CHRM2: variants seen among roughly 807,000 people sequenced by gnomAD.
CHRM2 encodes cholinergic receptor muscarinic 2.
Under a neutral mutation model 25.0 loss-of-function variants are expected in CHRM2, and 8 were observed. The ratio of observed to expected loss-of-function variants is 0.32; its 90% CI spans 0.19 to 0.58. The LOEUF is 0.58. CHRM2 is among the 20% of genes least tolerant of loss of function. The pLI is 0.88. For synonymous variants in CHRM2, 202 were observed against 205.7 expected, an observed-to-expected ratio of 0.98 and a Z score of 0.15; for missense variants, 440 against 567.1, an observed-to-expected ratio of 0.78 and a Z score of 2.28.
intron 2 of CHRM2, among the ~76,000 whole-genome samples, chr7:136,942,829 AT>A (rs919251048): frequency 6.6e-6 from 1 of 151,758 alleles, no homozygotes; most frequent in East Asian, 1.9e-4. Flanking sequence ...GCACAAGAGA[AT>A]TTTTTTTTAA....
intron 2 of CHRM2, chr7:136,902,082 C>G (rs995336119): frequency 3.3e-5 from 5 of 151,992 alleles, no homozygotes; most frequent in African/African-American, 1.2e-4. Context: ...CTCCCCTTAG[C>G]TTCTTCTATG....
At chr7:136,907,290 C>G (rs1797608526) in intron 2 of CHRM2, among the ~76,000 whole-genome samples, 1 of 151,892 alleles carries the variant, frequency 6.6e-6, no homozygotes, top group South Asian at 2.1e-4. Context: ...GAATTCAAAA[C>G]TTTCTGTACT....
chr7:136,957,269 G>C (rs1469870507), intron 2 of CHRM2, among the ~76,000 whole-genome samples: 1 of 152,204 alleles, frequency 6.6e-6, no homozygotes, highest in Admixed American at 6.5e-5. Flanking sequence ...GTGTGTGTGT[G>C]TGTGTGTGTG....
chr7:137,001,800 T>A (rs1315351563), intron 3 of CHRM2, among the ~76,000 whole-genome samples: 1 of 152,294 alleles, frequency 6.6e-6, no homozygotes, highest in East Asian at 1.9e-4. Context: ...TGGAATAATA[T>A]TTCCAGATAA....
At chr7:136,913,621 A>G (rs1797959912) in intron 2 of CHRM2, among the ~76,000 whole-genome samples, 1 of 151,914 alleles carries the variant, frequency 6.6e-6, no homozygotes, top group Non-Finnish European at 1.5e-5. Flanking sequence ...ACCAAAACCT[A>G]GTAATTTTTT....
At chr7:136,970,423 C>G (rs1801686071) in intron 2 of CHRM2, among the ~76,000 whole-genome samples, 1 of 152,162 alleles carries the variant, frequency 6.6e-6, no homozygotes, top group Non-Finnish European at 1.5e-5. Flanking sequence ...CCATCTTTAG[C>G]TTATTACATT....
intron 2 of CHRM2, among the ~76,000 whole-genome samples, chr7:136,882,185 G>C (rs891794047): frequency 1.2e-4 from 18 of 152,012 alleles, no homozygotes; most frequent in African/African-American, 4.1e-4. Context: ...CTTTACACAC[G>C]GAAGCTAATG....
intron 2 of CHRM2, among the ~76,000 whole-genome samples, chr7:136,898,511 A>ATGTG (rs3068413): frequency 0.014 from 2,163 of 150,296 alleles, 168 homozygotes; most frequent in Admixed American, 0.13. Flanking sequence ...GTGTGTTTGC[A>ATGTG]TGTGTGTGTG....
chr7:136,967,283 C>T (rs1486433243), intron 2 of CHRM2, among the ~76,000 whole-genome samples: 1 of 151,912 alleles, frequency 6.6e-6, no homozygotes. Flanking sequence ...AAAAGCTGCC[C>T]TATCCAATTA....
chr7:137,007,659 T>C lies in CHRM2; in HGVS notation c.-46-7161T>C, dbSNP rs992686308. 2.0e-5 allele frequency among the ~76,000 whole-genome samples: 3 copies of C among 152,144 alleles called. 1 individual carries two copies. Among genetic ancestry groups the C allele is most frequent in the Non-Finnish European group, 1.5e-5 (1 of 68,020 alleles). On this transcript the variant is annotated intron_variant, in intron 3 of 3. Coordinates refer to ENST00000680005, the MANE Select transcript of CHRM2 (RefSeq NM_001006630.2). ...GCACTCAGACTGTGGAATGTCAATA[T>C]TGCTAGCTAGCAGGGCTGGACTGTC...
At chr7:136,896,982 C>T (rs746270697) in intron 2 of CHRM2, among the ~76,000 whole-genome samples, 39 of 151,908 alleles carry the variant, frequency 2.6e-4, no homozygotes, top group Non-Finnish European at 5.2e-4. Context: ...GAAGGAGTCA[C>T]GGTGAGTAAC....
chr7:136,942,036 C>T (rs140598105), intron 2 of CHRM2, among the ~76,000 whole-genome samples: 2 of 152,030 alleles, frequency 1.3e-5, no homozygotes, highest in Non-Finnish European at 1.5e-5. Flanking sequence ...ACTGGAAACA[C>T]CTGTTCAGCC....
chr7:137,014,367 A>G (rs1307081416), intron 3 of CHRM2, among the ~76,000 whole-genome samples: 1 of 152,050 alleles, frequency 6.6e-6, no homozygotes, highest in Non-Finnish European at 1.5e-5. Flanking sequence ...AAAGTCACAC[A>G]TTCAATATTA....
At chr7:136,922,200 T>A (rs916786758) in intron 2 of CHRM2, among the ~76,000 whole-genome samples, 3 of 152,212 alleles carry the variant, frequency 2.0e-5, no homozygotes, top group Non-Finnish European at 4.4e-5. Flanking sequence ...TTTGGTGTCA[T>A]CCTTGACTCT....
At chr7:136,962,971 A>T (rs537317600) in intron 2 of CHRM2, among the ~76,000 whole-genome samples, 5 of 152,338 alleles carry the variant, frequency 3.3e-5, no homozygotes, top group Admixed American at 6.5e-5. Context: ...TAATAATTGA[A>T]ATTGCAATAA....
chr7:136,899,229 G>A (rs1797067309), intron 2 of CHRM2: 1 of 151,980 alleles, frequency 6.6e-6, no homozygotes. Context: ...TAGATATGTT[G>A]CAGTAATTTA....
chr7:137,002,178 G>A (rs1308530484), intron 3 of CHRM2, among the ~76,000 whole-genome samples: 1 of 152,060 alleles, frequency 6.6e-6, no homozygotes, highest in Non-Finnish European at 1.5e-5. Context: ...ATCACAAGTT[G>A]TTTTATTTCA....
chr7:136,896,356 T>C (rs746428161), intron 2 of CHRM2, among the ~76,000 whole-genome samples: 1 of 152,172 alleles, frequency 6.6e-6, no homozygotes, highest in Non-Finnish European at 1.5e-5. Flanking sequence ...AAATACTGTT[T>C]TCCTGAATTC....
At chr7:136,990,572 G>GTAA (rs1416350363) in intron 2 of CHRM2, among the ~76,000 whole-genome samples, 30 of 151,966 alleles carry the variant, frequency 2.0e-4, no homozygotes, top group African/African-American at 7.3e-4. Flanking sequence ...TTAGCATTAT[G>GTAA]TAATACTCCA....
Sources: gnomAD v4.1 joint callset for allele counts (sites outside exome capture counted in the v4.1 genomes callset) on GRCh38, gnomAD v4.1.1 for gene constraint, MANE v1.5 for transcripts, NCBI Gene and HGNC (gene_info 2026-07-23, HGNC 2026-07-21) for gene names.